Variants in PRKAG3 observed in about 807,000 individuals in gnomAD.
The protein encoded by PRKAG3 is 5'-AMP-activated protein kinase subunit gamma-3.
In PRKAG3, 39 loss-of-function variants were observed where a neutral mutation model predicts 56.5. The ratio of observed to expected loss-of-function variants is 0.69; its 90% confidence interval spans 0.53 to 0.90. The LOEUF (loss-of-function observed/expected upper bound fraction) is 0.90. PRKAG3 is among the 40% of genes least tolerant of loss of function. The pLI is 0.00. For synonymous variants in PRKAG3, 243 were observed against 250.1 expected (o/e 0.97, Z 0.27); for missense variants, 628 against 627.5 (o/e 1.00, Z -0.01).
rs1469274619 is a variant in PRKAG3 at position 218,829,383 on chromosome 2, C to T, written c.633+595G>A. 5.3e-5 allele frequency among the ~76,000 whole-genome samples: 8 copies of T among 151,636 alleles called. No homozygotes were observed. The East Asian group carries it at 9.7e-4, about 18-fold the overall frequency. ...TCTCCCGGGCTGGAGTGCAGTGGCA[C>T]GATCTCGGCTCACTGCAACCTCTGC... is the stretch of plus-strand genomic sequence containing the variant. On this transcript the variant is annotated intron_variant, in intron 4 of 12. Coordinates refer to ENST00000529249, the Ensembl canonical transcript of PRKAG3.
In PRKAG3 at chr2:218,827,886, C is replaced by T. The variant is rs372122400; in HGVS notation, c.775-8G>A. On this transcript the variant is annotated splice_polypyrimidine_tract_variant and splice_region_variant and intron_variant, in intron 6 of 12. Coordinates refer to ENST00000529249, the Ensembl canonical transcript of PRKAG3. The surrounding 1 kb of genome is among the most constrained non-coding windows in gnomAD (Gnocchi z 5.3). ...AATCTCATAGATCTGGACCTAGAGACATCGACAGGACTCCAGAAGTCAGAA... is the reference window on the plus strand; with the variant it reads ...AATCTCATAGATCTGGACCTAGAGATATCGACAGGACTCCAGAAGTCAGAA... 1 of 1,613,966 alleles carries T rather than the reference C, an allele frequency of 6.2e-7. No individual in the cohort carries two copies. Among genetic ancestry groups the T allele is most frequent in the Non-Finnish European group, 8.5e-7 (1 of 1,179,986 alleles).
intron 10 of PRKAG3, among the ~76,000 whole-genome samples, chr2:218,824,879 G>A (rs73993310): frequency 0.069 from 10,533 of 152,156 alleles, 1,190 homozygotes; most frequent in African/African-American, 0.24. Flanking sequence ...ACAAAGTAAA[G>A]GCCAGCTCTA....
rs375265469 is a variant in PRKAG3 at position 218,827,396 on chromosome 2, C to G, written c.876-23G>C. The G allele has an allele frequency of 4.3e-6, 7 of 1,613,884 alleles. No homozygotes were observed. The highest frequency in any genetic ancestry group is 1.6e-4 in the Middle Eastern group (1 of 6,084). On this transcript the variant is annotated intron_variant, in intron 8 of 12. Coordinates refer to ENST00000529249, the Ensembl canonical transcript of PRKAG3. This position sits in a 1 kb window ranked among gnomAD's most constrained non-coding sequence, Gnocchi z 5.3. ...AGGCTGCAGAGATGGGAGCAGTGAG[C>G]CTCGGGGCAGCCTAGGGAGAGACAA...
chr2:218,823,553 CT>C (rs1943884363), exon 13 of PRKAG3: 2 of 1,015,088 alleles, frequency 2.0e-6, no homozygotes, highest in East Asian at 5.5e-5. Flanking sequence ...CAGCTTTGAG[CT>C]TGGCCACTCC....
chr2:218,829,714 G>C (rs1943989739), intron 4 of PRKAG3, among the ~76,000 whole-genome samples: 1 of 152,158 alleles, frequency 6.6e-6, no homozygotes, highest in South Asian at 2.1e-4. Context: ...CAGGCATTTC[G>C]ATCCCCATTT....
chr2:218,831,225 C>T (rs1341175653), intron 2 of PRKAG3, 111 bp downstream of exon 2: 9 of 861,150 alleles, frequency 1.0e-5, no homozygotes, highest in African/African-American at 1.7e-5. Context: ...GAAGAAAGAC[C>T]AAAAGGAGGA....
downstream of PRKAG3, chr2:218,822,942 T>C: frequency 1.0e-6 from 1 of 985,734 alleles, no homozygotes; most frequent in Non-Finnish European, 1.2e-6. Flanking sequence ...GTAATCCTAG[T>C]GCCTCTGGTT....
Position 218,831,395 on chromosome 2 carries a change from TGAA to T in PRKAG3, c.34-23_34-21del, listed in dbSNP as rs1559399678. On this transcript the variant is annotated intron_variant, in intron 1 of 12. Coordinates refer to ENST00000529249, the Ensembl canonical transcript of PRKAG3. ...AGGGGTCTGTGGGGAGAAGAGTTTC[TGAA>T]GGAGTGGGGAAAGTGCCTTACATTC... The T allele has an allele frequency of 1.3e-6, 2 of 1,592,668 alleles. No homozygotes were observed. Among genetic ancestry groups the T allele is most frequent in the South Asian group, 2.3e-5 (2 of 87,190 alleles).
rs1025915850 is a variant in PRKAG3, at chr2:218,831,524, A to C, written c.34-149T>G. The C allele has an allele frequency of 6.8e-5, 65 of 961,506 alleles. No homozygotes were observed. The African/African-American group carries it at 6.9e-4, about 10-fold the overall frequency. The allele number at this position is 961,506 out of a possible 1,614,324, so 59.6% of individuals were successfully genotyped here. On this transcript the variant is annotated intron_variant, in intron 1 of 12. Transcript: ENST00000529249. ...CAGACATGCAGCCATACACAAACAC[A>C]CACAGAAACACACACATCCAAACAC...
intron 3 of PRKAG3, 141 bp from the exon 4 acceptor site, chr2:218,830,522 G>A (rs1944006351): frequency 4.9e-6 from 6 of 1,216,596 alleles, no homozygotes; most frequent in Middle Eastern, 2.3e-4. Context: ...TGACCTGAGA[G>A]TCGCCCCAGG....
At chr2:218,831,505 T>G in intron 1 of PRKAG3, 130 bp from the exon 2 acceptor site, 1 of 1,004,182 alleles carries the variant, frequency 1.0e-6, no homozygotes, top group South Asian at 1.6e-5. Context: ...TACACAGACA[T>G]GCAGCCATAC....
chr2:218,825,469 C>T (rs1160113525), intron 10 of PRKAG3, among the ~76,000 whole-genome samples: 1 of 151,964 alleles, frequency 6.6e-6, no homozygotes, highest in Non-Finnish European at 1.5e-5. Context: ...ATGGTGAAAC[C>T]TCATCTCTAC....
intron 4 of PRKAG3, 40 bp from the exon 5 acceptor site, chr2:218,828,640 A>C (rs1943973247): frequency 6.4e-7 from 1 of 1,557,910 alleles, no homozygotes; most frequent in Non-Finnish European, 8.8e-7. Context: ...GGGTCCCGAG[A>C]GACCCTCACC....
At chr2:218,826,519 T>A (rs1160217412) in intron 10 of PRKAG3, 1 of 281,636 alleles carries the variant, frequency 3.6e-6, no homozygotes, top group Admixed American at 4.6e-5. Context: ...TGTCACTGTA[T>A]GTAAACTCAA....
exon 11 of PRKAG3, chr2:218,824,570 A>G (rs757254757): frequency 1.2e-6 from 2 of 1,612,090 alleles, no homozygotes; most frequent in Non-Finnish European, 1.7e-6. Context: ...GAGGCCCACG[A>G]CCTGACCTGC....
At chr2:218,826,882 C>A (rs1575211375) in intron 10 of PRKAG3, 46 bp downstream of exon 10, 1 of 1,611,170 alleles carries the variant, frequency 6.2e-7, no homozygotes, top group South Asian at 1.1e-5. Flanking sequence ...ACCAGGTTCT[C>A]CCAGGCCCCA....
intron 1 of PRKAG3, 91 bp downstream of exon 1, chr2:218,831,647 G>T: frequency 1.3e-6 from 2 of 1,489,564 alleles, no homozygotes; most frequent in South Asian, 1.2e-5. Flanking sequence ...CACACCAGAA[G>T]ACACACACGC....
At chr2:218,824,105 A>G (rs1031460905) in intron 12 of PRKAG3, 117 bp downstream of exon 12, 8 of 1,516,826 alleles carry the variant, frequency 5.3e-6, no homozygotes, top group African/African-American at 1.4e-5. Context: ...GGGCACCAGG[A>G]GTTGGTCATG....
At chr2:218,822,896 G>A, downstream of PRKAG3, 1 of 985,560 alleles carries the variant, frequency 1.0e-6, no homozygotes. Context: ...CAGGCGGCAA[G>A]GGGATGGGCG....
Sources: gnomAD v4.1 joint callset for allele counts (sites outside exome capture counted in the v4.1 genomes callset) on GRCh38, gnomAD v4.1.1 for gene constraint, Gnocchi (gnomAD v3.1) non-coding constraint, MANE v1.5 for transcripts, NCBI Gene and HGNC (gene_info 2026-07-23, HGNC 2026-07-21) for gene names.